Variants in GALNT13 observed in about 807,000 individuals in gnomAD.
GALNT13 encodes polypeptide N-acetylgalactosaminyltransferase 13.
A neutral mutation model predicts 64.2 loss-of-function variants in GALNT13; 28 were observed. The observed-to-expected ratio is 0.44, with a 90% confidence interval of 0.32 to 0.60. GALNT13 has a LOEUF of 0.60. Ranked by LOEUF, GALNT13 falls within the 20% of genes least tolerant of loss-of-function variation. The pLI is 0.05. For missense variants in GALNT13, 577 were observed against 669.8 expected (o/e 0.86, Z 1.53); for synonymous variants, 214 against 224.6 (o/e 0.95, Z 0.42).
Position 154,453,523 on chromosome 2 carries a change from A to T in GALNT13, c.*2972A>T, listed in dbSNP as rs568026754. 6.6e-6 allele frequency: 1 copy of T among 152,120 alleles called. No homozygotes were observed. Among genetic ancestry groups the T allele is most frequent in the East Asian group, 1.9e-4 (1 of 5,150 alleles). 9.4% of individuals were successfully genotyped at this position (152,120 alleles called of 1,614,324 possible). On this transcript the variant is annotated 3_prime_UTR_variant, in exon 13 of 13. Coordinates refer to ENST00000392825, the MANE Select transcript of GALNT13 (RefSeq NM_052917.4). ...GTGATCTCAGTTCAAATATTATCTTATCAGTAAGACAAACCCTTCTCCCAT... is the reference window on the plus strand; with the variant it reads ...GTGATCTCAGTTCAAATATTATCTTTTCAGTAAGACAAACCCTTCTCCCAT...
intron 3 of GALNT13, among the ~76,000 whole-genome samples, chr2:154,088,014 C>T (rs1302404809): frequency 6.6e-6 from 1 of 152,036 alleles, no homozygotes; most frequent in Non-Finnish European, 1.5e-5. Flanking sequence ...CTGCAAATTG[C>T]ATGATATCCT....
At chr2:154,365,825 C>G (rs966794249) in intron 9 of GALNT13, among the ~76,000 whole-genome samples, 1 of 152,126 alleles carries the variant, frequency 6.6e-6, no homozygotes, top group Admixed American at 6.6e-5. Context: ...AAGGAAATCT[C>G]CCTTAGCAGC....
intron 11 of GALNT13, among the ~76,000 whole-genome samples, chr2:154,421,943 G>T (rs1306150256): frequency 6.6e-6 from 1 of 151,968 alleles, no homozygotes; most frequent in Non-Finnish European, 1.5e-5. Context: ...TGCTCTACAG[G>T]AGGCATTCAG....
chr2:153,831,963 A>G, the GALNT13 span, among the ~76,000 whole-genome samples: 2 of 152,186 alleles, frequency 1.3e-5, no homozygotes. Flanking sequence ...CTTTGTCATA[A>G]ATCTTTGAGC....
intron 4 of GALNT13, among the ~76,000 whole-genome samples, chr2:154,218,956 A>C (rs2105817697): frequency 6.6e-6 from 1 of 152,062 alleles, no homozygotes; most frequent in Non-Finnish European, 1.5e-5. Context: ...GTTATGCCTA[A>C]GTGCTCTCTT....
the GALNT13 span, among the ~76,000 whole-genome samples, chr2:153,072,137 C>A: frequency 6.6e-6 from 1 of 152,120 alleles, no homozygotes; most frequent in African/African-American, 2.4e-5. Flanking sequence ...AATCTAAGTC[C>A]AAAACAAAAT....
chr2:154,188,670 T>C (rs927627269), intron 4 of GALNT13, among the ~76,000 whole-genome samples: 3 of 152,210 alleles, frequency 2.0e-5, no homozygotes, highest in African/African-American at 4.8e-5. Context: ...GAATATTTCA[T>C]TTGTCCTTGT....
At chr2:153,718,414 G>GTTT in the GALNT13 span, among the ~76,000 whole-genome samples, 1 of 142,724 alleles carries the variant, frequency 7.0e-6, no homozygotes, top group African/African-American at 2.5e-5. Context: ...AGCTTAAAGG[G>GTTT]TTTTTTTTTT....
At chr2:154,178,532 G>T (rs971528358) in intron 4 of GALNT13, among the ~76,000 whole-genome samples, 1 of 152,102 alleles carries the variant, frequency 6.6e-6, no homozygotes, top group East Asian at 1.9e-4. Flanking sequence ...AAACCTGCAC[G>T]TTGTGCACAT....
chr2:153,189,093 C>T, the GALNT13 span, among the ~76,000 whole-genome samples: 1 of 152,146 alleles, frequency 6.6e-6, no homozygotes, highest in Non-Finnish European at 1.5e-5. Context: ...ATGTGTATAA[C>T]ACAAAGTGAG....
chr2:153,959,826 G>GC (rs1370765376), intron 3 of GALNT13, among the ~76,000 whole-genome samples: 1 of 152,128 alleles, frequency 6.6e-6, no homozygotes, highest in African/African-American at 2.4e-5. Flanking sequence ...CACTATGGCT[G>GC]CCCCCCACCA....
At chr2:154,259,860 T>A (rs891159697) in intron 8 of GALNT13, among the ~76,000 whole-genome samples, 2 of 152,076 alleles carry the variant, frequency 1.3e-5, no homozygotes, top group African/African-American at 4.8e-5. Flanking sequence ...CAGTGTAAAC[T>A]ATTTGTGAGT....
the GALNT13 span, among the ~76,000 whole-genome samples, chr2:153,644,639 C>G: frequency 6.6e-6 from 1 of 152,034 alleles, no homozygotes; most frequent in South Asian, 2.1e-4. Context: ...CACTCCCCAG[C>G]CTCCACCTAC....
intron 9 of GALNT13, among the ~76,000 whole-genome samples, chr2:154,349,352 G>C (rs1299639606): frequency 2.6e-5 from 4 of 152,190 alleles, no homozygotes; most frequent in Non-Finnish European, 5.9e-5. Context: ...GATCATCTAA[G>C]TACCACCTAA....
At chr2:154,436,062 G>A (rs114623222) in intron 11 of GALNT13, 1 of 151,908 alleles carries the variant, frequency 6.6e-6, no homozygotes, top group East Asian at 1.9e-4. Context: ...TTATTTCCCA[G>A]GTACACAAAG....
chr2:153,421,025 G>C, the GALNT13 span: 10 of 182,746 alleles, frequency 5.5e-5, no homozygotes, highest in Admixed American at 5.9e-4. Flanking sequence ...TGGAATAGCA[G>C]TAAGTATTGA....
chr2:153,383,305 A>G, the GALNT13 span, among the ~76,000 whole-genome samples: 1 of 152,090 alleles, frequency 6.6e-6, no homozygotes, highest in African/African-American at 2.4e-5. Context: ...CTCGGCATCC[A>G]CATAGCATGG....
the GALNT13 span, among the ~76,000 whole-genome samples, chr2:153,863,310 A>G: frequency 6.6e-6 from 1 of 152,164 alleles, no homozygotes; most frequent in Non-Finnish European, 1.5e-5. Context: ...AGAGGCTTTC[A>G]TACTTTTCTT....
At chr2:153,730,254 A>G in the GALNT13 span, among the ~76,000 whole-genome samples, 4 of 152,036 alleles carry the variant, frequency 2.6e-5, no homozygotes, top group Admixed American at 1.3e-4. Flanking sequence ...ACATAGATCA[A>G]TTGCAGAGTA....
Sources: gnomAD v4.1 joint callset for allele counts (sites outside exome capture counted in the v4.1 genomes callset) on GRCh38, gnomAD v4.1.1 for gene constraint, MANE v1.5 for transcripts, NCBI Gene and HGNC (gene_info 2026-07-23, HGNC 2026-07-21) for gene names.